ACTR3C: variants seen among roughly 807,000 people sequenced by gnomAD.
ACTR3C encodes actin related protein 3C, also known as actin-related protein 3C.
ACTR3C carries 18 observed loss-of-function variants against 26.3 expected under a neutral mutation model. The observed-to-expected ratio is 0.68, with a 90% CI of 0.47 to 1.01. The LOEUF is 1.01. Ranked by LOEUF, ACTR3C falls within the 50% of genes least tolerant of loss-of-function variation. The pLI is 0.00. For missense variants in ACTR3C, 184 were observed against 250.7 expected (o/e 0.73, Z 1.80); for synonymous variants, 55 against 94.5 (o/e 0.58, Z 2.42).
the ACTR3C span, among the ~76,000 whole-genome samples, chr7:150,038,740 C>T: frequency 1.9e-4 from 27 of 144,672 alleles, 2 homozygotes; most frequent in African/African-American, 6.0e-4. Flanking sequence ...TTAGGAGCAA[C>T]GATGGGGGGG....
chr7:149,990,372 T>C, the ACTR3C span, among the ~76,000 whole-genome samples: 1 of 132,164 alleles, frequency 7.6e-6, no homozygotes, highest in Non-Finnish European at 1.6e-5. Flanking sequence ...GAGTGGCCAC[T>C]GAATCTCCAG....
At chr7:150,235,524 G>A in the ACTR3C span, among the ~76,000 whole-genome samples, 1 of 152,166 alleles carries the variant, frequency 6.6e-6, no homozygotes, top group Non-Finnish European at 1.5e-5. Context: ...TGTGATAGAG[G>A]AATCCTCAAA....
chr7:150,203,769 A>G, the ACTR3C span, among the ~76,000 whole-genome samples: 42 of 151,836 alleles, frequency 2.8e-4, no homozygotes, highest in Non-Finnish European at 4.1e-4. Context: ...GTTTCACCAT[A>G]TTGGCCAGGC....
At chr7:150,039,076 T>C in the ACTR3C span, among the ~76,000 whole-genome samples, 2 of 145,428 alleles carry the variant, frequency 1.4e-5, no homozygotes, top group Admixed American at 6.8e-5. Context: ...AACTTTCTAC[T>C]TGGACTACTA....
chr7:150,144,911 G>C, the ACTR3C span, among the ~76,000 whole-genome samples: 1 of 151,960 alleles, frequency 6.6e-6, no homozygotes, highest in Admixed American at 6.6e-5. The surrounding 1 kb of genome is among the most constrained non-coding windows in gnomAD (Gnocchi z 4.6). Flanking sequence ...TTAGCTGGGC[G>C]TGGTGGCGTG....
chr7:150,133,833 G>A, the ACTR3C span, among the ~76,000 whole-genome samples: 2 of 152,136 alleles, frequency 1.3e-5, no homozygotes, highest in African/African-American at 4.8e-5. Flanking sequence ...GACCTCCACG[G>A]GCTCAGTGAT....
the ACTR3C span, among the ~76,000 whole-genome samples, chr7:150,038,743 TGG>T: frequency 7.8e-5 from 11 of 141,862 alleles, 1 homozygote; most frequent in Non-Finnish European, 1.6e-4. Flanking sequence ...GGAGCAACGA[TGG>T]GGGGGTCCTA....
chr7:149,887,802 A>T, the ACTR3C span, among the ~76,000 whole-genome samples: 1 of 152,182 alleles, frequency 6.6e-6, no homozygotes, highest in Non-Finnish European at 1.5e-5. Context: ...AGGTAATTGA[A>T]TCATGGGGGC....
chr7:150,167,947 A>T, the ACTR3C span, among the ~76,000 whole-genome samples: 1 of 150,868 alleles, frequency 6.6e-6, no homozygotes, highest in East Asian at 1.9e-4. Context: ...TTCCATAAAA[A>T]ATATATATAT....
chr7:150,018,163 AG>A, the ACTR3C span, among the ~76,000 whole-genome samples: 3,798 of 150,306 alleles, frequency 0.025, 155 homozygotes, highest in Middle Eastern at 0.062. Flanking sequence ...GATGGAGTAC[AG>A]TGCTGCGATC....
At chr7:150,011,515 G>A in the ACTR3C span, among the ~76,000 whole-genome samples, 4 of 152,322 alleles carry the variant, frequency 2.6e-5, no homozygotes, top group South Asian at 8.3e-4. Flanking sequence ...AACCTGGAAG[G>A]CAGAGGTTGC....
chr7:150,122,687 T>A, the ACTR3C span, among the ~76,000 whole-genome samples: 1 of 152,202 alleles, frequency 6.6e-6, no homozygotes, highest in Non-Finnish European at 1.5e-5. Context: ...TGGTGGTTCC[T>A]TAAGGATCTA....
the ACTR3C span, among the ~76,000 whole-genome samples, chr7:149,973,564 A>G: frequency 6.6e-6 from 1 of 152,172 alleles, no homozygotes; most frequent in African/African-American, 2.4e-5. Context: ...AGCAGAAGTC[A>G]TTCCGGATCT....
the ACTR3C span, among the ~76,000 whole-genome samples, chr7:150,200,500 C>T: frequency 5.2e-4 from 79 of 152,110 alleles, 1 homozygote; most frequent in African/African-American, 1.8e-3. Flanking sequence ...ACAATATACA[C>T]GGCCAATAAG....
the ACTR3C span, among the ~76,000 whole-genome samples, chr7:149,964,486 A>G: frequency 1.3e-5 from 2 of 152,202 alleles, no homozygotes; most frequent in Non-Finnish European, 1.5e-5. Context: ...TTCAGATTAC[A>G]GATAATGGGG....
the ACTR3C span, among the ~76,000 whole-genome samples, chr7:150,196,099 G>A: frequency 6.6e-6 from 1 of 152,166 alleles, no homozygotes; most frequent in Non-Finnish European, 1.5e-5. Context: ...TTTATTTATA[G>A]AGTATTCTTG....
the ACTR3C span, among the ~76,000 whole-genome samples, chr7:150,032,781 T>C: frequency 3.9e-5 from 6 of 152,090 alleles, no homozygotes; most frequent in Non-Finnish European, 8.8e-5. Flanking sequence ...AGTGGTTTGC[T>C]ATACAATTTG....
At chr7:150,194,141 C>T in the ACTR3C span, among the ~76,000 whole-genome samples, 6 of 149,360 alleles carry the variant, frequency 4.0e-5, no homozygotes, top group East Asian at 9.7e-4. Flanking sequence ...GTTAGGTGCA[C>T]GCATACATAG....
At chr7:150,007,224 A>G in the ACTR3C span, among the ~76,000 whole-genome samples, 2 of 152,166 alleles carry the variant, frequency 1.3e-5, no homozygotes, top group Admixed American at 1.3e-4. Flanking sequence ...CCATGGCCCC[A>G]TGCCTGGAAG....
Sources: allele counts gnomAD v4.1 joint callset (sites outside exome capture counted in the v4.1 genomes callset), GRCh38; gene constraint gnomAD v4.1.1; non-coding constraint Gnocchi (gnomAD v3.1); transcripts MANE v1.5; gene names NCBI Gene and HGNC (gene_info 2026-07-23, HGNC 2026-07-21).